PTPRB: variants seen among roughly 807,000 people sequenced by gnomAD.
The protein encoded by PTPRB is protein tyrosine phosphatase receptor type B, also known as receptor-type tyrosine-protein phosphatase beta.
Under a neutral mutation model 238.1 loss-of-function variants are expected in PTPRB, and 97 were observed. The observed-to-expected ratio is 0.41, with a 90% CI of 0.35 to 0.48. The LOEUF (loss-of-function observed/expected upper bound fraction) is 0.48. Among genes scored for constraint, PTPRB ranks in the 20% least tolerant of loss-of-function variants. The pLI, the probability that PTPRB is intolerant of heterozygous loss-of-function variation, is 0.30. For missense variants in PTPRB, 2,292 were observed against 2,681.9 expected (o/e 0.85, Z 3.21); for synonymous variants, 970 against 995.4 (o/e 0.97, Z 0.48).
intron 21 of PTPRB, among the ~76,000 whole-genome samples, chr12:70,545,293 T>A (rs1404335932): frequency 1.3e-5 from 2 of 152,214 alleles, no homozygotes; most frequent in Non-Finnish European, 1.5e-5. Context: ...AATTCCGAGA[T>A]GCCCATTAGA....
chr12:70,626,178 T>C (rs1592606211), intron 2 of PTPRB, among the ~76,000 whole-genome samples: 1 of 151,954 alleles, frequency 6.6e-6, no homozygotes, highest in African/African-American at 2.4e-5. Flanking sequence ...ACTGGTACTT[T>C]CTATTCTGTA....
At chr12:70,538,121 C>A in intron 28 of PTPRB, 34 bp downstream of exon 28, 1 of 1,572,168 alleles carries the variant, frequency 6.4e-7, no homozygotes, top group Non-Finnish European at 8.7e-7. Context: ...ACCAAAGCCT[C>A]ATCCTGAACA....
intron 4 of PTPRB, among the ~76,000 whole-genome samples, chr12:70,598,164 C>A: frequency 6.6e-6 from 1 of 152,178 alleles, no homozygotes; most frequent in East Asian, 1.9e-4. Flanking sequence ...ACAGCCCGGG[C>A]TTGAATTGGG....
intron 28 of PTPRB, among the ~76,000 whole-genome samples, chr12:70,537,305 A>G (rs1388757541): frequency 6.7e-4 from 91 of 135,994 alleles, no homozygotes; most frequent in East Asian, 1.6e-3. Flanking sequence ...AAAAAAAAAA[A>G]AAAGAAAGAA....
rs115492412 is a variant in PTPRB, at chr12:70,543,199, A to G, written c.5494+1358T>C. 4.2e-3 allele frequency among the ~76,000 whole-genome samples: 636 copies of G among 152,164 alleles called. 7 individuals are homozygous for G. The highest frequency in any genetic ancestry group is 0.015 in the African/African-American group (603 of 41,512). ...CTAATCCAAGGTTACAAAGATTTAC[A>G]CCTATGTTTTCTTGTAAAAGTGTTA... On this transcript the variant is annotated intron_variant, in intron 22 of 33. Transcript: ENST00000334414.
intron 32 of PTPRB, 55 bp from the exon 33 acceptor site, chr12:70,524,646 A>G: frequency 6.6e-7 from 1 of 1,512,432 alleles, no homozygotes; most frequent in Non-Finnish European, 8.9e-7. Context: ...CATAAGAAAG[A>G]TGAGAAACTC....
intron 14 of PTPRB, among the ~76,000 whole-genome samples, chr12:70,567,850 AC>A (rs1404484183): frequency 1.3e-5 from 2 of 152,034 alleles, no homozygotes; most frequent in East Asian, 1.9e-4. Flanking sequence ...ATTCTAGTAT[AC>A]TTTTGCTTTT....
chr12:70,600,635 T>G (rs1269067152), intron 4 of PTPRB, among the ~76,000 whole-genome samples: 1 of 152,222 alleles, frequency 6.6e-6, no homozygotes, highest in Non-Finnish European at 1.5e-5. Context: ...TTCCTTATTT[T>G]ATTGCCTTTA....
chr12:70,537,418 C>G (rs1012337700), intron 28 of PTPRB, among the ~76,000 whole-genome samples: 70 of 152,184 alleles, frequency 4.6e-4, no homozygotes, highest in African/African-American at 1.7e-3. Flanking sequence ...AGAGGCACTG[C>G]TGTGGCAGGT....
chr12:70,539,090 CATA>C (rs1874638718), intron 26 of PTPRB, 76 bp from the exon 27 acceptor site: 1 of 1,135,860 alleles, frequency 8.8e-7, no homozygotes, highest in African/African-American at 1.5e-5. Flanking sequence ...CTGGAGATAA[CATA>C]ATAACATGAA....
chr12:70,535,087 C>T (rs1873897850), intron 29 of PTPRB, 132 bp from the exon 30 acceptor site: 1 of 1,052,086 alleles, frequency 9.5e-7, no homozygotes, highest in Non-Finnish European at 1.3e-6. Flanking sequence ...TGACCATCTA[C>T]TTTATATTAA....
rs560664779 is a variant in PTPRB at position 70,612,515 on chromosome 12, A to G, written c.709-3176T>C. Among the ~76,000 whole-genome samples the G allele has an allele frequency of 1.5e-4, 23 of 152,168 alleles. No individual in the cohort carries two copies. In the East Asian group the frequency reaches 3.9e-3, roughly 26 times the overall value. On this transcript the variant is annotated intron_variant, in intron 3 of 33. Transcript: ENST00000334414. ...TTGTCCTACATAAGGACACTATTTG[A>G]ATTAGAAGTTGCATTCCAGAAATTT...
At chr12:70,541,027 T>C (rs550498370) in intron 22 of PTPRB, 70 bp from the exon 23 acceptor site, 8 of 1,226,192 alleles carry the variant, frequency 6.5e-6, no homozygotes, top group Non-Finnish European at 7.0e-6. Flanking sequence ...GTAAGAAAGC[T>C]ATTGAAGCCA....
At chr12:70,578,559 C>A (rs896057733) in intron 10 of PTPRB, among the ~76,000 whole-genome samples, 1 of 151,910 alleles carries the variant, frequency 6.6e-6, no homozygotes, top group Non-Finnish European at 1.5e-5. Context: ...ATTTCTTGTC[C>A]CTTTTTCCCT....
In PTPRB at chr12:70,516,953, C is replaced by A. The variant is rs542020576; in HGVS notation, c.*4536G>T. 2.6e-5 allele frequency: 4 copies of A among 152,002 alleles called. No homozygotes were observed. Among genetic ancestry groups the A allele is most frequent in the Admixed American group, 2.6e-4 (4 of 15,258 alleles). 9.4% of individuals were successfully genotyped at this position (152,002 alleles called of 1,614,324 possible). A position where few individuals can be genotyped will look rare whatever the true frequency, so the allele number is the denominator to read the frequency against. Reference sequence around the variant, plus strand: ...TTATTTGTGTTGCATACATTTATTCCGAGGGAGCCTCCCTACAAGTCAAGA... The same window carrying A: ...TTATTTGTGTTGCATACATTTATTCAGAGGGAGCCTCCCTACAAGTCAAGA... On this transcript the variant is annotated 3_prime_UTR_variant, in exon 34 of 34. Transcript: ENST00000334414.
intron 4 of PTPRB, among the ~76,000 whole-genome samples, chr12:70,598,334 G>A (rs868253596): frequency 2.0e-5 from 3 of 152,172 alleles, no homozygotes; most frequent in South Asian, 2.1e-4. Flanking sequence ...TATCTGGCAC[G>A]TAGTAAGTAC....
intron 4 of PTPRB, 25 bp from the exon 5 acceptor site, chr12:70,596,352 C>T: frequency 8.4e-7 from 1 of 1,196,970 alleles, no homozygotes; most frequent in Non-Finnish European, 1.0e-6. Flanking sequence ...CACACACACA[C>T]ACAAAAAAAA....
intron 10 of PTPRB, 70 bp from the exon 11 acceptor site, chr12:70,576,715 A>G: frequency 1.2e-6 from 1 of 826,856 alleles, no homozygotes; most frequent in Non-Finnish European, 1.9e-6. Flanking sequence ...CACAGTCAAA[A>G]GTTTGAGTCG....
chr12:70,604,768 T>C (rs1390132666), intron 4 of PTPRB, among the ~76,000 whole-genome samples: 3 of 152,146 alleles, frequency 2.0e-5, no homozygotes, highest in African/African-American at 7.2e-5. Flanking sequence ...ACTGGTGTTC[T>C]TATGAGAAGA....
Sources: gnomAD v4.1 joint callset for allele counts (sites outside exome capture counted in the v4.1 genomes callset) on GRCh38, gnomAD v4.1.1 for gene constraint, MANE v1.5 for transcripts, NCBI Gene and HGNC (gene_info 2026-07-23, HGNC 2026-07-21) for gene names.